The following PDE6A variants were observed in gnomAD, a reference collection of about 807,000 sequenced individuals.
The protein encoded by PDE6A is rod cGMP-specific 3',5'-cyclic phosphodiesterase subunit alpha.
PDE6A carries 84 observed loss-of-function variants against 106.3 expected under a neutral mutation model. The observed-to-expected ratio is 0.79, with a 90% CI of 0.66 to 0.95. The LOEUF (loss-of-function observed/expected upper bound fraction) is 0.95. Ranked by LOEUF, PDE6A falls within the 40% of genes least tolerant of loss-of-function variation. PDE6A has a pLI of 0.00. For missense variants in PDE6A, 1,052 were observed against 1,084.9 expected, an observed-to-expected ratio of 0.97 and a Z score of 0.43; for synonymous variants, 394 against 386.6, an observed-to-expected ratio of 1.02 and a Z score of -0.23.
intron 4 of PDE6A, among the ~76,000 whole-genome samples, chr5:149,923,533 CAT>C (rs1305164700): frequency 3.3e-5 from 4 of 121,580 alleles, no homozygotes; most frequent in African/African-American, 1.3e-4. Flanking sequence ...CATAACATAA[CAT>C]AACATAACAT....
chr5:149,926,311 A>G (rs1386473901), intron 4 of PDE6A, among the ~76,000 whole-genome samples: 2 of 152,176 alleles, frequency 1.3e-5, no homozygotes, highest in African/African-American at 4.8e-5. Flanking sequence ...CCAGAAACAG[A>G]CCCATACATA....
At position 149,931,013 on chromosome 5, in the gene PDE6A, C is replaced by T. The variant is rs1439323477; in HGVS notation, c.858+15G>A. ...AATCTTTTCTTGGAAATGTCTGTTG[C>T]TGAAGTTTTCTCACCTTCTGCTTGG... On this transcript the variant is annotated intron_variant, in intron 4 of 21. Coordinates refer to ENST00000255266, the MANE Select transcript of PDE6A (RefSeq NM_000440.3). 2 of 1,613,614 alleles carry T rather than the reference C, an allele frequency of 1.2e-6. No individual in the cohort carries two copies. The highest frequency in any genetic ancestry group is 1.7e-6 in the Non-Finnish European group (2 of 1,179,600).
Position 149,899,499 on chromosome 5 carries a change from C to T in PDE6A, c.1139G>A (p.Trp380Ter). The change falls in exon 9 of 22, where the codon TGG becomes TAG. Residue 380 changes from tryptophan to a stop codon, truncating the protein, a stop_gained. Coordinates refer to ENST00000255266, the MANE Select transcript of PDE6A (RefSeq NM_000440.3). LOFTEE classifies it high-confidence loss of function. ...CATTGAAAGCACATTTTTAATCATC[C>T]ATCCAGACTCATCCAGAGGTTCTTT... The part of the protein sequence containing the change: ...FQKEPLDESG[W>*]MIKNVLSMPI... The T allele has an allele frequency of 1.2e-6, 2 of 1,614,112 alleles. No homozygotes were observed. Among genetic ancestry groups the T allele is most frequent in the Non-Finnish European group, 1.7e-6 (2 of 1,179,986 alleles).
At position 149,895,310 on chromosome 5, in the gene PDE6A, A is replaced by G; in HGVS notation, c.1621-20T>C. The G allele has an allele frequency of 6.6e-7, 1 of 1,519,118 alleles. No homozygotes were observed. Among genetic ancestry groups the G allele is most frequent in the South Asian group, 1.1e-5 (1 of 89,232 alleles). The allele number at this position is 1,519,118 out of a possible 1,614,324, so 94.1% of individuals were successfully genotyped here. A position where few individuals can be genotyped will look rare whatever the true frequency, so the allele number is the denominator to read the frequency against. The stretch of plus-strand genomic sequence containing the variant: ...CAGGGCCTGTGAACACATGCACATC[A>G]GTGAGGCAGGACACACCTGAAATGG... On this transcript the variant is annotated intron_variant, in intron 12 of 21. Coordinates refer to ENST00000255266, the MANE Select transcript of PDE6A (RefSeq NM_000440.3).
At chr5:149,943,778 G>A (rs1300822387) in intron 1 of PDE6A, among the ~76,000 whole-genome samples, 1 of 150,124 alleles carries the variant, frequency 6.7e-6, no homozygotes, top group African/African-American at 2.5e-5. Flanking sequence ...GAGGTACTGT[G>A]GAAGTACTGT....
intron 12 of PDE6A, 30 bp from the exon 13 acceptor site, chr5:149,895,320 G>A (rs745686805): frequency 1.4e-6 from 2 of 1,424,130 alleles, no homozygotes; most frequent in South Asian, 1.1e-5. Context: ...AGTGAGGCAG[G>A]ACACACCTGA....
In PDE6A at chr5:149,924,867, G is replaced by A. The variant is rs571176384; in HGVS notation, c.859-3158C>T. Among the ~76,000 whole-genome samples, 4 of 152,268 alleles carry A rather than the reference G, an allele frequency of 2.6e-5. No individual in the cohort carries two copies. The South Asian group carries it at 8.3e-4, about 32-fold the overall frequency. On this transcript the variant is annotated intron_variant, in intron 4 of 21. Transcript: ENST00000255266. ...AGCTAAGAAGCTGAGCCAAGCTTAC[G>A]GAAGACTCACTGGGCAAGGAGGACA...
intron 9 of PDE6A, 114 bp from the exon 10 acceptor site, chr5:149,898,620 GA>G (rs1265147244): frequency 2.8e-6 from 3 of 1,080,572 alleles, no homozygotes; most frequent in Non-Finnish European, 4.1e-6. Flanking sequence ...AAATGGGTTT[GA>G]TAAGCTGTGT....
At chr5:149,922,001 C>T (rs1317874199) in intron 4 of PDE6A, among the ~76,000 whole-genome samples, 1 of 152,122 alleles carries the variant, frequency 6.6e-6, no homozygotes, top group East Asian at 1.9e-4. Context: ...GTCTTTACGG[C>T]TAAGAAATTT....
intron 1 of PDE6A, among the ~76,000 whole-genome samples, chr5:149,937,523 G>T (rs768627062): frequency 4.6e-5 from 7 of 152,064 alleles, no homozygotes; most frequent in Non-Finnish European, 7.4e-5. Flanking sequence ...AACAACAGGG[G>T]CGTACCACCA....
At chr5:149,908,615 T>G (rs56870573) in intron 6 of PDE6A, among the ~76,000 whole-genome samples, 2,069 of 152,358 alleles carry the variant, frequency 0.014, 44 homozygotes, top group African/African-American at 0.048. Context: ...TGTTTTTTTG[T>G]GAAGTTCCTC....
intron 19 of PDE6A, 23 bp from the exon 20 acceptor site, chr5:149,866,276 A>G: frequency 6.5e-7 from 1 of 1,548,028 alleles, no homozygotes; most frequent in South Asian, 1.1e-5. Context: ...AGAAAGAGTT[A>G]ATTGCACTGG....
chr5:149,869,573 G>A (rs1030777215), intron 17 of PDE6A, among the ~76,000 whole-genome samples: 6 of 152,216 alleles, frequency 3.9e-5, no homozygotes, highest in African/African-American at 1.4e-4. Context: ...GTAATCCAGG[G>A]CCATGTGGCA....
chr5:149,880,805 G>T (rs1023479335), intron 17 of PDE6A, among the ~76,000 whole-genome samples: 19 of 151,898 alleles, frequency 1.3e-4, no homozygotes, highest in Non-Finnish European at 2.5e-4. Context: ...TCAAAAGAAG[G>T]CTGGGTACTT....
At chr5:149,875,510 G>A (rs1011023190) in intron 17 of PDE6A, among the ~76,000 whole-genome samples, 10 of 141,550 alleles carry the variant, frequency 7.1e-5, no homozygotes, top group East Asian at 2.1e-4. Flanking sequence ...TTTTTGAGTC[G>A]GAGGAGCCTC....
At chr5:149,904,344 G>A (rs1326524082) in intron 7 of PDE6A, among the ~76,000 whole-genome samples, 1 of 152,188 alleles carries the variant, frequency 6.6e-6, no homozygotes, top group Admixed American at 6.5e-5. Flanking sequence ...ATAAATGAAA[G>A]GTGTTGTAGC....
Position 149,929,069 on chromosome 5 carries a change from G to A in PDE6A, c.858+1959C>T, listed in dbSNP as rs569917973. 7.5e-4 allele frequency among the ~76,000 whole-genome samples: 114 copies of A among 152,260 alleles called. 3 individuals are homozygous for A. The South Asian group carries it at 1.0e-2, about 13-fold the overall frequency. Reference sequence around the variant, plus strand: ...AATGGTACAATCATTTTGAAAATCAGATGGGCAATATCTACTAAAGCTAAT... The same window carrying A: ...AATGGTACAATCATTTTGAAAATCAAATGGGCAATATCTACTAAAGCTAAT... On this transcript the variant is annotated intron_variant, in intron 4 of 21. Transcript: ENST00000255266.
At chr5:149,884,285 T>C (rs927921103) in intron 16 of PDE6A, among the ~76,000 whole-genome samples, 194 bp downstream of exon 16, 2 of 147,428 alleles carry the variant, frequency 1.4e-5, no homozygotes, top group African/African-American at 2.5e-5. Context: ...TATGTGTATA[T>C]ATGTGTATAT....
chr5:149,935,734 GGTAGCACT>G (rs1442741175), intron 1 of PDE6A, among the ~76,000 whole-genome samples: 1 of 152,226 alleles, frequency 6.6e-6, no homozygotes, highest in Non-Finnish European at 1.5e-5. Context: ...TCTGTTTATT[GGTAGCACT>G]GTGAGGTTTT....
Sources: allele counts gnomAD v4.1 joint callset (sites outside exome capture counted in the v4.1 genomes callset), GRCh38; gene constraint gnomAD v4.1.1; transcripts MANE v1.5; gene names NCBI Gene and HGNC (gene_info 2026-07-23, HGNC 2026-07-21).